CPSF3: variants seen among roughly 807,000 people sequenced by gnomAD.
CPSF3 encodes the protein cleavage and polyadenylation specific factor 3.
Under a neutral mutation model 84.1 loss-of-function variants are expected in CPSF3, and 57 were observed. The observed-to-expected ratio is 0.68, with a 90% CI of 0.55 to 0.85. The LOEUF (loss-of-function observed/expected upper bound fraction) is 0.85. Among genes scored for constraint, CPSF3 ranks in the 40% least tolerant of loss-of-function variants. The probability of loss-of-function intolerance (pLI) is 0.00; values close to 1 mark genes in which losing one functional copy is unlikely to be tolerated. For synonymous variants in CPSF3, 275 were observed against 278.1 expected (o/e 0.99, Z 0.11); for missense variants, 522 against 838.8 (o/e 0.62, Z 4.66).
At position 9,459,589 on chromosome 2, in the gene CPSF3, A is replaced by C. The variant is rs1468538221; in HGVS notation, c.1757A>C (p.Glu586Ala). The change falls in exon 15 of 18, where the codon GAA (glutamate) becomes GCA (alanine). Residue 586 changes from glutamate (E) to alanine (A), a missense_variant. Coordinates refer to ENST00000238112, the MANE Select transcript of CPSF3 (RefSeq NM_016207.4). Reference sequence around the variant, plus strand: ...GATACAGTAACAACTGTGATATTGGAAGTTCAGTCAAATCCCAAAATAAGA... The same window carrying C: ...GATACAGTAACAACTGTGATATTGGCAGTTCAGTCAAATCCCAAAATAAGA... ...YADTVTTVIL[E>A]VQSNPKIRKG... 6.3e-7 allele frequency: 1 copy of C among 1,583,350 alleles called. No individual in the cohort carries two copies. Among genetic ancestry groups the C allele is most frequent in the African/African-American group, 1.4e-5 (1 of 73,202 alleles).
chr2:9,427,179 G>A (rs1327542550), intron 1 of CPSF3, among the ~76,000 whole-genome samples: 2 of 152,216 alleles, frequency 1.3e-5, no homozygotes, highest in Admixed American at 1.3e-4. Flanking sequence ...TCAGAAGGAG[G>A]GAGGGAGTAC....
chr2:9,448,432 G>A (rs1194039990), intron 11 of CPSF3, 82 bp downstream of exon 11: 1 of 1,159,846 alleles, frequency 8.6e-7, no homozygotes, highest in African/African-American at 1.6e-5. Context: ...TAGATCTTTA[G>A]TCAAAAGAAT....
chr2:9,440,467 T>C, intron 7 of CPSF3, 24 bp from the exon 8 acceptor site: 3 of 1,600,212 alleles, frequency 1.9e-6, no homozygotes, highest in Non-Finnish European at 2.6e-6. Flanking sequence ...AAAGTGATGT[T>C]TGTTTCTTGC....
chr2:9,466,818 G>A (rs1386415675), intron 15 of CPSF3, among the ~76,000 whole-genome samples: 1 of 152,152 alleles, frequency 6.6e-6, no homozygotes, highest in Non-Finnish European at 1.5e-5. Flanking sequence ...TTTCATCCGT[G>A]TTGTCACATA....
chr2:9,455,353 C>G (rs1681487916), intron 12 of CPSF3, among the ~76,000 whole-genome samples: 1 of 152,058 alleles, frequency 6.6e-6, no homozygotes, highest in Non-Finnish European at 1.5e-5. Flanking sequence ...CCAGGCTGGT[C>G]TTGAACTCCT....
At chr2:9,465,316 C>T (rs1298761773) in intron 15 of CPSF3, among the ~76,000 whole-genome samples, 1 of 152,118 alleles carries the variant, frequency 6.6e-6, no homozygotes, top group African/African-American at 2.4e-5. Flanking sequence ...CGGTAGCACA[C>T]ACGTACAGGC....
At chr2:9,448,509 T>A (rs1558457845) in intron 11 of CPSF3, among the ~76,000 whole-genome samples, 159 bp downstream of exon 11, 1 of 152,232 alleles carries the variant, frequency 6.6e-6, no homozygotes, top group Non-Finnish European at 1.5e-5. Context: ...CTTCTTTTGG[T>A]TCTGTGCATT....
At chr2:9,467,609 C>A in intron 15 of CPSF3, 98 bp from the exon 16 acceptor site, 3 of 838,028 alleles carry the variant, frequency 3.6e-6, no homozygotes, top group Non-Finnish European at 5.7e-6. Context: ...TAGTTATTCA[C>A]TTTAACTTAT....
intron 16 of CPSF3, 48 bp downstream of exon 16, chr2:9,467,824 G>A: frequency 6.7e-7 from 1 of 1,492,152 alleles, no homozygotes; most frequent in Non-Finnish European, 9.3e-7. Flanking sequence ...ACAGCGGCCG[G>A]AAGGAGCCCT....
intron 10 of CPSF3, among the ~76,000 whole-genome samples, chr2:9,446,315 T>C (rs1681121292): frequency 6.6e-6 from 1 of 152,122 alleles, no homozygotes; most frequent in Non-Finnish European, 1.5e-5. Flanking sequence ...GCACGGTGGC[T>C]CATGCCTGTA....
chr2:9,466,332 ACGCACACACGCGCGCG>A (rs1681953657), intron 15 of CPSF3, among the ~76,000 whole-genome samples: 2 of 120,554 alleles, frequency 1.7e-5, no homozygotes, highest in Non-Finnish European at 1.8e-5. Context: ...ACACAGACGC[ACGCACACACGCGCGCG>A]CGCGCACACA....
intron 11 of CPSF3, among the ~76,000 whole-genome samples, chr2:9,451,996 G>A (rs760605797): frequency 1.6e-4 from 25 of 152,122 alleles, no homozygotes; most frequent in Non-Finnish European, 2.4e-4. Flanking sequence ...GATTATGGGC[G>A]TGAGCCACCA....
In CPSF3 at chr2:9,471,325, A is replaced by G; in HGVS notation, c.1857-18A>G. On this transcript the variant is annotated intron_variant, in intron 16 of 17. Coordinates refer to ENST00000238112, the MANE Select transcript of CPSF3 (RefSeq NM_016207.4). The stretch of plus-strand genomic sequence containing the variant: ...AGCCGGGCATTTTCACTAATCCTGC[A>G]TTTCTGCTTATTTTCAGGGACATAT... 6.7e-7 allele frequency: 1 copy of G among 1,487,046 alleles called. No homozygotes were observed. Among genetic ancestry groups the G allele is most frequent in the East Asian group, 2.3e-5 (1 of 44,250 alleles). 92.1% of individuals were successfully genotyped at this position (1,487,046 alleles called of 1,614,324 possible). A position where few individuals can be genotyped will look rare whatever the true frequency, so the allele number is the denominator to read the frequency against.
At chr2:9,466,408 GCACACACGCA>G (rs1421402831) in intron 15 of CPSF3, among the ~76,000 whole-genome samples, 22 of 140,012 alleles carry the variant, frequency 1.6e-4, no homozygotes, top group Admixed American at 5.7e-4. Flanking sequence ...ACACGCACGC[GCACACACGCA>G]CACGCGCACA....
At chr2:9,460,052 TA>T (rs1310270703) in intron 15 of CPSF3, among the ~76,000 whole-genome samples, 1 of 152,182 alleles carries the variant, frequency 6.6e-6, no homozygotes, top group South Asian at 2.1e-4. Context: ...CTTTAAGATA[TA>T]AAATACACAC....
chr2:9,458,939 C>A (rs1197592213), intron 14 of CPSF3, among the ~76,000 whole-genome samples: 1 of 151,836 alleles, frequency 6.6e-6, no homozygotes, highest in East Asian at 1.9e-4. Flanking sequence ...ATGGAGAAAC[C>A]CTGTCTCTAC....
At chr2:9,469,161 T>C (rs1279922052) in intron 16 of CPSF3, among the ~76,000 whole-genome samples, 2 of 152,132 alleles carry the variant, frequency 1.3e-5, no homozygotes, top group African/African-American at 4.8e-5. Context: ...TTCTCTTAAC[T>C]CATTTTGCAG....
chr2:9,427,079 T>G (rs1191023864), intron 1 of CPSF3, among the ~76,000 whole-genome samples: 1 of 152,124 alleles, frequency 6.6e-6, no homozygotes, highest in Non-Finnish European at 1.5e-5. Context: ...AATTTGGGGA[T>G]GAACATGGCT....
At position 9,437,244 on chromosome 2, in the gene CPSF3, A is replaced by T. The variant is rs143324586; in HGVS notation, c.760+883A>T. Among the ~76,000 whole-genome samples the T allele has an allele frequency of 1.1e-3, 163 of 152,226 alleles. 1 individual carries two copies. The highest frequency in any genetic ancestry group is 3.8e-3 in the African/African-American group (159 of 41,548). ...CATGGTGAAACCTCGTCTCTACCAA[A>T]AATAGAAAAATGAGCCAGGTGTGGT... On this transcript the variant is annotated intron_variant, in intron 7 of 17. Coordinates refer to ENST00000238112, the MANE Select transcript of CPSF3 (RefSeq NM_016207.4).
Sources: allele counts gnomAD v4.1 joint callset (sites outside exome capture counted in the v4.1 genomes callset), GRCh38; gene constraint gnomAD v4.1.1; transcripts MANE v1.5; gene names NCBI Gene and HGNC (gene_info 2026-07-23, HGNC 2026-07-21).